Variants in ANKS1B observed in about 807,000 individuals in gnomAD.
The protein encoded by ANKS1B is ankyrin repeat and sterile alpha motif domain-containing protein 1B.
In ANKS1B, 36 loss-of-function variants were observed where a neutral mutation model predicts 148.3. The observed-to-expected ratio is 0.24, with a 90% confidence interval of 0.19 to 0.32. ANKS1B has a LOEUF of 0.32. ANKS1B is among the 10% of genes least tolerant of loss of function. The pLI, the probability that ANKS1B is intolerant of heterozygous loss-of-function variation, is 1.00. For synonymous variants in ANKS1B, 542 were observed against 560.8 expected (o/e 0.97, Z 0.47); for missense variants, 1,157 against 1,542.6 (o/e 0.75, Z 4.19).
intron 9 of ANKS1B, among the ~76,000 whole-genome samples, chr12:99,654,052 T>TTA (rs2098438516): frequency 1.3e-5 from 2 of 152,140 alleles, no homozygotes; most frequent in South Asian, 4.1e-4. Flanking sequence ...AGCTCACAGT[T>TTA]TAGTATGTAT....
intron 9 of ANKS1B, chr12:99,648,908 A>C (rs1331376731): frequency 1.5e-6 from 2 of 1,368,162 alleles, no homozygotes; most frequent in African/African-American, 1.5e-5. Context: ...GGAAGGTCTG[A>C]AGGCCAAATG....
rs1339278402 is a variant in ANKS1B, at chr12:99,614,435, A to AAAAAG, written c.1272+40627_1272+40631dup. ...GGGTGACAGAGTGAGACTCTGTGTC[A>AAAAAG]AAAAGAAAAGAAAAGGAAGGGAAGA... On this transcript the variant is annotated intron_variant, in intron 9 of 26. Transcript: ENST00000683438. Among the ~76,000 whole-genome samples, 33 of 149,400 alleles carry AAAAAG rather than the reference A, an allele frequency of 2.2e-4. 1 individual carries two copies. The South Asian group carries it at 7.3e-3, about 33-fold the overall frequency.
chr12:99,322,840 C>T (rs1271448319), intron 12 of ANKS1B, among the ~76,000 whole-genome samples: 3 of 152,268 alleles, frequency 2.0e-5, no homozygotes, highest in Middle Eastern at 6.8e-3. Context: ...TTCCCCGTAC[C>T]GTTCTCACGG....
intron 14 of ANKS1B, among the ~76,000 whole-genome samples, chr12:99,223,480 G>A (rs549620532): frequency 6.6e-6 from 1 of 152,106 alleles, no homozygotes; most frequent in Admixed American, 6.6e-5. Context: ...TGGGGGTAAT[G>A]GGAGACAGTG....
chr12:99,407,784 A>C (rs1386298107), intron 11 of ANKS1B, among the ~76,000 whole-genome samples: 1 of 145,886 alleles, frequency 6.9e-6, no homozygotes, highest in Non-Finnish European at 1.5e-5. Flanking sequence ...CTAGGAATAA[A>C]CTTAACCAAA....
At chr12:99,708,673 A>T (rs987454704) in intron 8 of ANKS1B, among the ~76,000 whole-genome samples, 2 of 152,072 alleles carry the variant, frequency 1.3e-5, no homozygotes, top group African/African-American at 2.4e-5. Context: ...TTCTTTCTGT[A>T]GTCTATTCCC....
intron 12 of ANKS1B, among the ~76,000 whole-genome samples, chr12:99,315,311 T>C (rs905141837): frequency 6.6e-6 from 1 of 151,156 alleles, no homozygotes; most frequent in Non-Finnish European, 1.5e-5. Context: ...TTTTACAATC[T>C]ACCTATCTAA....
intron 1 of ANKS1B, among the ~76,000 whole-genome samples, chr12:99,946,918 C>A (rs537569639): frequency 6.6e-6 from 1 of 152,260 alleles, no homozygotes; most frequent in Non-Finnish European, 1.5e-5. Context: ...ACCAAGCCTG[C>A]AGCATAAATG....
intron 1 of ANKS1B, among the ~76,000 whole-genome samples, chr12:99,847,905 AGGCAGAGT>A (rs2086960876): frequency 6.6e-6 from 1 of 152,066 alleles, no homozygotes; most frequent in Non-Finnish European, 1.5e-5. Flanking sequence ...CCAAAGCTTA[AGGCAGAGT>A]GGGAGTAGAG....
At chr12:99,632,751 A>ATG (rs2098178972) in intron 9 of ANKS1B, among the ~76,000 whole-genome samples, 1 of 107,426 alleles carries the variant, frequency 9.3e-6, no homozygotes, top group African/African-American at 3.5e-5. Context: ...ATATATATAT[A>ATG]TATATATATA....
intron 17 of ANKS1B, among the ~76,000 whole-genome samples, chr12:98,851,357 T>C (rs2099524496): frequency 6.6e-6 from 1 of 152,156 alleles, no homozygotes; most frequent in Non-Finnish European, 1.5e-5. Flanking sequence ...CCTCACGGAA[T>C]AGAAGACAGG....
At chr12:99,351,258 G>A (rs1484845024) in intron 12 of ANKS1B, among the ~76,000 whole-genome samples, 4 of 151,980 alleles carry the variant, frequency 2.6e-5, no homozygotes, top group Non-Finnish European at 5.9e-5. Flanking sequence ...CAGGTTTTAC[G>A]ATGATCAACT....
At position 98,745,803 on chromosome 12, in the gene ANKS1B, A is replaced by G. The variant is rs772428511; in HGVS notation, c.3794T>C (p.Ile1265Thr). The G allele has an allele frequency of 4.2e-5, 68 of 1,613,590 alleles. No homozygotes were observed. The highest frequency in any genetic ancestry group is 5.4e-5 in the Non-Finnish European group (64 of 1,179,764). ...EQKTLANLPW[I>T]VEPGQEAKRG... Reference sequence around the variant, plus strand: ...CTTGGCTTCTTGGCCCGGCTCCACAATCCACGGTAGATTGGCCAGAGTCTT... The same window carrying G: ...CTTGGCTTCTTGGCCCGGCTCCACAGTCCACGGTAGATTGGCCAGAGTCTT... Residue 1265 changes from isoleucine (I) to threonine (T), a missense_variant, in exon 27 of 27, where the codon ATT becomes ACT. By Grantham distance (89) the Ile-to-Thr change is moderately conservative (BLOSUM62 -1). Coordinates refer to ENST00000683438, the MANE Select transcript of ANKS1B (RefSeq NM_001352186.2).
At chr12:99,053,087 T>C in intron 17 of ANKS1B, 70 bp downstream of exon 17, 3 of 1,395,588 alleles carry the variant, frequency 2.1e-6, no homozygotes, top group Admixed American at 2.9e-5. Flanking sequence ...CAAACACTTA[T>C]AAAAAAAGAA....
chr12:99,451,759 C>T (rs551698214), intron 10 of ANKS1B, among the ~76,000 whole-genome samples: 159 of 151,232 alleles, frequency 1.1e-3, no homozygotes, highest in African/African-American at 3.8e-3. Context: ...CATAGTGTTA[C>T]AAAGACAAAT....
intron 9 of ANKS1B, among the ~76,000 whole-genome samples, chr12:99,608,107 G>A (rs1370995774): frequency 6.6e-6 from 1 of 152,070 alleles, no homozygotes; most frequent in African/African-American, 2.4e-5. Flanking sequence ...ACATCCCATA[G>A]TTGGGTCATA....
At chr12:98,893,372 C>T (rs529330113) in intron 17 of ANKS1B, among the ~76,000 whole-genome samples, 27 of 152,318 alleles carry the variant, frequency 1.8e-4, no homozygotes, top group African/African-American at 5.5e-4. Flanking sequence ...TGCACGAGCT[C>T]ATCTGCGGAG....
At chr12:99,398,991 T>C (rs1201950782) in intron 12 of ANKS1B, among the ~76,000 whole-genome samples, 7 of 152,152 alleles carry the variant, frequency 4.6e-5, no homozygotes, top group African/African-American at 1.7e-4. Flanking sequence ...GTAAATTATA[T>C]GGCAGGGGAG....
At chr12:99,544,311 G>A (rs570167823) in intron 9 of ANKS1B, among the ~76,000 whole-genome samples, 2 of 152,218 alleles carry the variant, frequency 1.3e-5, no homozygotes, top group African/African-American at 4.8e-5. Context: ...GACAGTCAAT[G>A]TAGTAGGTTT....
Sources: gnomAD v4.1 joint callset for allele counts (sites outside exome capture counted in the v4.1 genomes callset) on GRCh38, gnomAD v4.1.1 for gene constraint, MANE v1.5 for transcripts, NCBI Gene and HGNC (gene_info 2026-07-23, HGNC 2026-07-21) for gene names.